The following TXNDC16 variants were observed in gnomAD, a reference collection of about 807,000 sequenced individuals.
TXNDC16 encodes thioredoxin domain containing 16, also known as thioredoxin domain-containing protein 16.
TXNDC16 carries 74 observed loss-of-function variants against 85.6 expected under a neutral mutation model. The observed-to-expected ratio is 0.86, with a 90% CI of 0.72 to 1.05. The LOEUF (loss-of-function observed/expected upper bound fraction) is 1.05, where lower values mean the gene tolerates loss of function less well. Among genes scored for constraint, TXNDC16 ranks in the 50% least tolerant of loss-of-function variants. The pLI is 0.00. For missense variants in TXNDC16, 959 were observed against 947.0 expected (o/e 1.01, Z -0.17); for synonymous variants, 335 against 326.5 (o/e 1.03, Z -0.28).
rs2034917302 is a variant in TXNDC16 at position 52,432,294 on chromosome 14, C to G, written c.*10G>C. ...GCCAAAAAAATTTTGGAAACCACAG[C>G]CCTATAAAATTAGTTCACTTTTGAG... On this transcript the variant is annotated 3_prime_UTR_variant, in exon 21 of 21. Coordinates refer to ENST00000281741, the MANE Select transcript of TXNDC16 (RefSeq NM_020784.3). 5.7e-6 allele frequency: 9 copies of G among 1,587,616 alleles called. No homozygotes were observed. Among genetic ancestry groups the G allele is most frequent in the Non-Finnish European group, 6.8e-6 (8 of 1,168,012 alleles).
Position 52,542,351 on chromosome 14 carries a change from T to G in TXNDC16, c.243+20A>C, listed in dbSNP as rs2037849052. The G allele has an allele frequency of 6.5e-7, 1 of 1,532,798 alleles. No homozygotes were observed. The highest frequency in any genetic ancestry group is 1.8e-5 in the Admixed American group (1 of 54,688). The allele number at this position is 1,532,798 out of a possible 1,614,324, so 94.9% of individuals were successfully genotyped here. A position where few individuals can be genotyped will look rare whatever the true frequency, so the allele number is the denominator to read the frequency against. ...AAGATGTTCGTCACTAATATTTTAG[T>G]AACATAAATATCTTTCTACCTTGGC... On this transcript the variant is annotated intron_variant, in intron 4 of 20. Transcript: ENST00000281741.
intron 1 of TXNDC16, among the ~76,000 whole-genome samples, chr14:52,551,327 A>G (rs1214076590): frequency 6.8e-6 from 1 of 147,420 alleles, no homozygotes; most frequent in East Asian, 2.1e-4. Context: ...AAAAAAAAAA[A>G]TCAGCCGGGC....
intron 1 of TXNDC16, among the ~76,000 whole-genome samples, chr14:52,547,257 G>A (rs2037958917): frequency 6.6e-6 from 1 of 152,168 alleles, no homozygotes; most frequent in African/African-American, 2.4e-5. Flanking sequence ...GTGGCCAAGA[G>A]TAACAAAAAT....
intron 6 of TXNDC16, among the ~76,000 whole-genome samples, chr14:52,522,998 A>G (rs1202734407): frequency 1.3e-5 from 2 of 152,180 alleles, no homozygotes; most frequent in African/African-American, 2.4e-5. Context: ...AACCAAAACT[A>G]ATGACATTCA....
chr14:52,528,033 T>C (rs2037379630), intron 6 of TXNDC16, among the ~76,000 whole-genome samples: 1 of 152,132 alleles, frequency 6.6e-6, no homozygotes, highest in Non-Finnish European at 1.5e-5. Context: ...GGTCAAAAAA[T>C]ATGTTTCAAA....
At chr14:52,457,576 T>C (rs553847838) in intron 16 of TXNDC16, among the ~76,000 whole-genome samples, 2 of 152,196 alleles carry the variant, frequency 1.3e-5, no homozygotes, top group Non-Finnish European at 2.9e-5. Flanking sequence ...ATTATAACCA[T>C]AAAATCTGAA....
At position 52,455,242 on chromosome 14, in the gene TXNDC16, G is replaced by GA. The variant is rs369589557; in HGVS notation, c.1842+81dup. The stretch of plus-strand genomic sequence containing the variant: ...CCCTGCCCTGTACCAGCAAAAAATG[G>GA]AAAAATGTGTATGAACATATACTAC... On this transcript the variant is annotated intron_variant, in intron 18 of 20. Transcript: ENST00000281741. 4.6e-5 allele frequency: 71 copies of GA among 1,534,452 alleles called. 1 individual carries two copies. The African/African-American group carries it at 8.1e-4, about 18-fold the overall frequency.
intron 9 of TXNDC16, among the ~76,000 whole-genome samples, chr14:52,508,919 C>A (rs996803779): frequency 5.9e-5 from 9 of 151,684 alleles, no homozygotes; most frequent in Non-Finnish European, 1.2e-4. Context: ...GTGGGGGCAG[C>A]GGGGAGGGAT....
intron 9 of TXNDC16, among the ~76,000 whole-genome samples, chr14:52,498,082 T>A (rs934809361): frequency 1.7e-4 from 26 of 152,208 alleles, no homozygotes; most frequent in Middle Eastern, 3.4e-3. Flanking sequence ...GGAAAAGCAT[T>A]TGAAAATATT....
intron 6 of TXNDC16, among the ~76,000 whole-genome samples, chr14:52,527,385 T>G (rs1235902481): frequency 6.6e-6 from 1 of 152,210 alleles, no homozygotes; most frequent in Non-Finnish European, 1.5e-5. Context: ...CTCAAACATC[T>G]GGTCACAGAA....
intron 16 of TXNDC16, among the ~76,000 whole-genome samples, chr14:52,466,753 G>A (rs2035785978): frequency 2.0e-5 from 3 of 151,868 alleles, no homozygotes; most frequent in Admixed American, 2.0e-4. Flanking sequence ...TGTAGTCCCA[G>A]CTACTCGGGA....
chr14:52,508,570 A>G (rs1163837221), intron 9 of TXNDC16, among the ~76,000 whole-genome samples: 2 of 152,218 alleles, frequency 1.3e-5, no homozygotes, highest in Non-Finnish European at 2.9e-5. Flanking sequence ...TACTGGGTAT[A>G]TACCCAGAGG....
intron 18 of TXNDC16, among the ~76,000 whole-genome samples, chr14:52,454,622 G>A (rs1252954710): frequency 4.1e-5 from 6 of 145,602 alleles, no homozygotes; most frequent in Non-Finnish European, 9.0e-5. Context: ...TGGCCAACAT[G>A]GTGAAACCTT....
chr14:52,488,242 G>C lies in TXNDC16; in HGVS notation c.1108+121C>G, dbSNP rs1043963204. 3.2e-6 allele frequency: 4 copies of C among 1,236,372 alleles called. No homozygotes were observed. In the African/African-American group the frequency reaches 6.3e-5, roughly 19 times the overall value. 76.6% of individuals were successfully genotyped at this position (1,236,372 alleles called of 1,614,324 possible). ...ATGTGGTTCCAAATAAATTCCGCCA[G>C]GTTTCTTTACAGAGTCTTGAATCTG... On this transcript the variant is annotated intron_variant, in intron 12 of 20. Coordinates refer to ENST00000281741, the MANE Select transcript of TXNDC16 (RefSeq NM_020784.3).
chr14:52,439,484 A>G (rs2035116504), intron 19 of TXNDC16, 90 bp from the exon 20 acceptor site: 1 of 1,158,370 alleles, frequency 8.6e-7, no homozygotes, highest in African/African-American at 1.6e-5. Flanking sequence ...ACTTTTAAGT[A>G]GTATCATGCC....
intron 14 of TXNDC16, among the ~76,000 whole-genome samples, chr14:52,475,047 C>T (rs1034897282): frequency 1.3e-5 from 2 of 152,164 alleles, no homozygotes; most frequent in Non-Finnish European, 1.5e-5. Context: ...ACCCCACCAC[C>T]GGGGAACCTA....
At chr14:52,458,915 A>G (rs1377846080) in intron 16 of TXNDC16, among the ~76,000 whole-genome samples, 2 of 152,228 alleles carry the variant, frequency 1.3e-5, no homozygotes, top group Admixed American at 1.3e-4. Flanking sequence ...GGATGGGAAA[A>G]TATATGACTG....
At chr14:52,529,878 T>C (rs1483565980) in intron 6 of TXNDC16, among the ~76,000 whole-genome samples, 2 of 103,714 alleles carry the variant, frequency 1.9e-5, no homozygotes, top group Non-Finnish European at 3.4e-5. Context: ...ATACCTATTA[T>C]ATATATGAAT....
intron 6 of TXNDC16, among the ~76,000 whole-genome samples, chr14:52,520,740 A>C (rs1258811753): frequency 6.6e-6 from 1 of 152,198 alleles, no homozygotes; most frequent in South Asian, 2.1e-4. Flanking sequence ...GCTAAACTTC[A>C]AAAAATTTTG....
Sources: gnomAD v4.1 joint callset for allele counts (sites outside exome capture counted in the v4.1 genomes callset) on GRCh38, gnomAD v4.1.1 for gene constraint, MANE v1.5 for transcripts, NCBI Gene and HGNC (gene_info 2026-07-23, HGNC 2026-07-21) for gene names.